The following CCDC171 variants were observed in gnomAD, a reference collection of about 807,000 sequenced individuals.
The protein encoded by CCDC171 is coiled-coil domain containing 171.
CCDC171 carries 177 observed loss-of-function variants against 168.2 expected under a neutral mutation model. That is an observed-to-expected ratio of 1.05 (90% confidence interval 0.93 to 1.19). CCDC171 has a LOEUF of 1.19. CCDC171 is among the 50% of genes most tolerant of loss of function. The pLI, the probability that CCDC171 is intolerant of heterozygous loss-of-function variation, is 0.00. For missense variants in CCDC171, 1,991 were observed against 1,539.0 expected, an observed-to-expected ratio of 1.29 and a Z score of -4.91; for synonymous variants, 687 against 540.8, an observed-to-expected ratio of 1.27 and a Z score of -3.75.
chr9:16,007,872 T>C (rs1411040397), intron 3 of CCDC171, among the ~76,000 whole-genome samples: 1 of 152,216 alleles, frequency 6.6e-6, no homozygotes, highest in Non-Finnish European at 1.5e-5. Context: ...GCGTGATGCC[T>C]CCAGCTTTGT....
chr9:15,574,333 C>T (rs189287884), intron 3 of CCDC171, among the ~76,000 whole-genome samples: 17 of 151,450 alleles, frequency 1.1e-4, no homozygotes, highest in Admixed American at 3.3e-4. Flanking sequence ...TTAGTAGAGA[C>T]GGGATTTCAC....
intron 18 of CCDC171, among the ~76,000 whole-genome samples, chr9:15,762,905 G>A (rs956443401): frequency 1.3e-5 from 2 of 152,126 alleles, no homozygotes; most frequent in Non-Finnish European, 1.5e-5. Flanking sequence ...GTGCAAAGGA[G>A]TGTAGCTGAA....
At chr9:15,735,879 C>T (rs138950735) in intron 16 of CCDC171, among the ~76,000 whole-genome samples, 2 of 152,184 alleles carry the variant, frequency 1.3e-5, no homozygotes, top group East Asian at 1.9e-4. Context: ...CTTCTGACTA[C>T]TTTTCAAATA....
At chr9:15,851,563 A>C (rs112394316) in intron 23 of CCDC171, among the ~76,000 whole-genome samples, 2 of 151,374 alleles carry the variant, frequency 1.3e-5, no homozygotes, top group South Asian at 4.2e-4. Flanking sequence ...GCCGCTTTTT[A>C]TTTTTTTTGA....
chr9:15,950,177 T>A (rs1589223326), intron 25 of CCDC171, among the ~76,000 whole-genome samples: 1 of 152,026 alleles, frequency 6.6e-6, no homozygotes, highest in African/African-American at 2.4e-5. Context: ...ACGGGGAGAA[T>A]GGAACCAAGT....
chr9:15,643,973 A>T (rs548151948), intron 7 of CCDC171, among the ~76,000 whole-genome samples: 1 of 152,144 alleles, frequency 6.6e-6, no homozygotes, highest in Non-Finnish European at 1.5e-5. Context: ...TTATTCATTC[A>T]TTGGTTGATG....
At chr9:15,591,080 C>T (rs2041978007) in intron 4 of CCDC171, among the ~76,000 whole-genome samples, 1 of 151,912 alleles carries the variant, frequency 6.6e-6, no homozygotes, top group Admixed American at 6.6e-5. Flanking sequence ...TGCACCTAAA[C>T]TTGGATATGC....
At chr9:15,835,491 G>T (rs535286233) in intron 21 of CCDC171, among the ~76,000 whole-genome samples, 1 of 152,264 alleles carries the variant, frequency 6.6e-6, no homozygotes, top group South Asian at 2.1e-4. Flanking sequence ...ACAATGGCGT[G>T]ATCTCGGCTC....
chr9:15,909,318 CT>C (rs1209557936), intron 24 of CCDC171, among the ~76,000 whole-genome samples: 5 of 152,102 alleles, frequency 3.3e-5, no homozygotes, highest in African/African-American at 4.8e-5. Flanking sequence ...ATCCTTTCTA[CT>C]TTCTATTCCT....
chr9:15,829,288 T>A (rs2060136821), intron 21 of CCDC171, among the ~76,000 whole-genome samples: 2 of 152,196 alleles, frequency 1.3e-5, no homozygotes, highest in Admixed American at 1.3e-4. Flanking sequence ...ATATAGGTTT[T>A]TACCTTTGAG....
chr9:15,598,611 A>G (rs2042572421), intron 6 of CCDC171, among the ~76,000 whole-genome samples: 2 of 152,312 alleles, frequency 1.3e-5, no homozygotes, highest in Admixed American at 1.3e-4. Context: ...GGTGCTGAAA[A>G]GAATTTGTAT....
intron 11 of CCDC171, among the ~76,000 whole-genome samples, chr9:15,706,026 A>G (rs988918231): frequency 2.0e-5 from 3 of 152,204 alleles, no homozygotes; most frequent in Non-Finnish European, 4.4e-5. Flanking sequence ...CAGATGTACA[A>G]TCTTTCATGG....
chr9:16,087,551 C>T, the CCDC171 span, among the ~76,000 whole-genome samples: 20 of 140,566 alleles, frequency 1.4e-4, no homozygotes, highest in South Asian at 4.5e-4. Flanking sequence ...AGGATTGCAA[C>T]TCCTGCTTTT....
intron 11 of CCDC171, among the ~76,000 whole-genome samples, chr9:15,719,052 G>C (rs2136354): frequency 0.95 from 144,447 of 152,178 alleles, 68,592 homozygotes; most frequent in East Asian, 1. Flanking sequence ...GAATTCAAAA[G>C]AACTGTTTTG....
chr9:15,569,378 GAATA>G (rs2040016766), intron 2 of CCDC171, among the ~76,000 whole-genome samples: 1 of 152,080 alleles, frequency 6.6e-6, no homozygotes. Flanking sequence ...TTATTGTGAA[GAATA>G]AATAAGTTTA....
chr9:16,042,140 G>A (rs1430161766), upstream of CCDC171, among the ~76,000 whole-genome samples: 1 of 152,222 alleles, frequency 6.6e-6, no homozygotes, highest in Non-Finnish European at 1.5e-5. Context: ...CTCTTGCGAA[G>A]CTAGTGGTAT....
At chr9:15,645,337 C>T (rs903125472) in intron 7 of CCDC171, among the ~76,000 whole-genome samples, 32 of 119,238 alleles carry the variant, frequency 2.7e-4, no homozygotes, top group Admixed American at 1.5e-3. Context: ...GCTCTTCTAC[C>T]TCTCCAAAGG....
At chr9:16,070,490 T>C in the CCDC171 span, among the ~76,000 whole-genome samples, 4 of 152,250 alleles carry the variant, frequency 2.6e-5, no homozygotes, top group Non-Finnish European at 5.9e-5. Context: ...TGGTTGGGCC[T>C]GGGGGCCCAG....
chr9:15,671,325 GAA>G (rs1189625375), intron 9 of CCDC171, among the ~76,000 whole-genome samples: 1 of 151,800 alleles, frequency 6.6e-6, no homozygotes, highest in East Asian at 1.9e-4. Context: ...TTCCAGTCTG[GAA>G]AAGTTTTTTT....
Sources: allele counts gnomAD v4.1 joint callset (sites outside exome capture counted in the v4.1 genomes callset), GRCh38; gene constraint gnomAD v4.1.1; transcripts MANE v1.5; gene names NCBI Gene and HGNC (gene_info 2026-07-23, HGNC 2026-07-21).